Variants in STARD13 observed in about 807,000 individuals in gnomAD.
STARD13 encodes StAR related lipid transfer domain containing 13.
STARD13 carries 62 observed loss-of-function variants against 106.4 expected under a neutral mutation model. The observed-to-expected ratio is 0.58, with a 90% CI of 0.48 to 0.72. STARD13 has a LOEUF of 0.72. Ranked by LOEUF, STARD13 falls within the 30% of genes least tolerant of loss-of-function variation. The pLI is 0.00. For missense variants in STARD13, 1,387 were observed against 1,424.0 expected, an observed-to-expected ratio of 0.97 and a Z score of 0.42; for synonymous variants, 565 against 553.0, an observed-to-expected ratio of 1.02 and a Z score of -0.31.
the STARD13 span, among the ~76,000 whole-genome samples, chr13:33,613,150 G>C: frequency 6.6e-6 from 1 of 152,160 alleles, no homozygotes; most frequent in African/African-American, 2.4e-5. Context: ...CAGCCAATAG[G>C]AATAAAAATA....
At chr13:33,147,229 G>T (rs1270713168) in intron 3 of STARD13, among the ~76,000 whole-genome samples, 1 of 152,158 alleles carries the variant, frequency 6.6e-6, no homozygotes, top group Non-Finnish European at 1.5e-5. Flanking sequence ...GTCCATAGGG[G>T]ACTTAGAAAA....
At chr13:33,453,740 T>C in the STARD13 span, among the ~76,000 whole-genome samples, 1 of 152,196 alleles carries the variant, frequency 6.6e-6, no homozygotes, top group Non-Finnish European at 1.5e-5. Flanking sequence ...AAAAAGAAGA[T>C]AAAAACATTC....
chr13:33,372,657 A>T, the STARD13 span, among the ~76,000 whole-genome samples: 2 of 152,038 alleles, frequency 1.3e-5, no homozygotes, highest in African/African-American at 4.8e-5. Context: ...GGTTATAGCC[A>T]TAGACAACCA....
the STARD13 span, among the ~76,000 whole-genome samples, chr13:33,514,549 G>A: frequency 1.6e-3 from 246 of 152,224 alleles, 1 homozygote; most frequent in African/African-American, 4.4e-3. Context: ...TAAAGACTCT[G>A]TTGAGGGCAG....
intron 8 of STARD13, among the ~76,000 whole-genome samples, chr13:33,115,765 A>G (rs566055288): frequency 1.3e-5 from 2 of 152,296 alleles, no homozygotes; most frequent in East Asian, 3.9e-4. Context: ...CCCTGATAAA[A>G]AGAGACACAT....
the STARD13 span, among the ~76,000 whole-genome samples, chr13:33,595,226 C>A: frequency 6.6e-6 from 1 of 152,142 alleles, no homozygotes; most frequent in Non-Finnish European, 1.5e-5. Context: ...AAGCTTACTT[C>A]ATTATCTTTA....
At chr13:33,263,243 G>A (rs1330123821) in intron 1 of STARD13, among the ~76,000 whole-genome samples, 1 of 152,036 alleles carries the variant, frequency 6.6e-6, no homozygotes, top group Non-Finnish European at 1.5e-5. Context: ...GATGCCAGCA[G>A]CACCCACCCC....
At chr13:33,181,260 T>TCA (rs1371779435) in intron 1 of STARD13, among the ~76,000 whole-genome samples, 2 of 112,154 alleles carry the variant, frequency 1.8e-5, no homozygotes, top group East Asian at 5.3e-4. Context: ...TGTCTTTCAC[T>TCA]CACACATACA....
upstream of STARD13, among the ~76,000 whole-genome samples, chr13:33,286,397 T>A (rs141628506): frequency 3.9e-5 from 6 of 152,296 alleles, no homozygotes; most frequent in East Asian, 9.7e-4. Context: ...GTATTAAGCA[T>A]CCTTTCCTCT....
At chr13:33,116,931 T>G (rs1945362756) in intron 8 of STARD13, among the ~76,000 whole-genome samples, 1 of 152,228 alleles carries the variant, frequency 6.6e-6, no homozygotes, top group African/African-American at 2.4e-5. Flanking sequence ...ATAGCATGGA[T>G]ATTCTTCAAA....
the STARD13 span, among the ~76,000 whole-genome samples, chr13:33,370,221 T>A: frequency 1.6e-3 from 237 of 152,344 alleles, 1 homozygote; most frequent in African/African-American, 5.0e-3. Context: ...CTTTTTAAAC[T>A]GAATCTATTG....
At chr13:33,478,685 G>A in the STARD13 span, among the ~76,000 whole-genome samples, 1 of 152,160 alleles carries the variant, frequency 6.6e-6, no homozygotes, top group African/African-American at 2.4e-5. Context: ...GGAGGTCAAG[G>A]CAGGAGGATC....
At chr13:33,150,300 A>T (rs1184344633) in intron 3 of STARD13, among the ~76,000 whole-genome samples, 1 of 152,236 alleles carries the variant, frequency 6.6e-6, no homozygotes, top group Admixed American at 6.5e-5. Flanking sequence ...TGCATTCTTC[A>T]TGCCTAGTAC....
the STARD13 span, among the ~76,000 whole-genome samples, chr13:33,374,076 A>C: frequency 1.1e-4 from 16 of 152,332 alleles, no homozygotes; most frequent in East Asian, 2.9e-3. Context: ...AAAATGTGGT[A>C]TATACCTACA....
At chr13:33,334,519 G>A (rs1325656142) in intron 1 of STARD13, among the ~76,000 whole-genome samples, 1 of 152,174 alleles carries the variant, frequency 6.6e-6, no homozygotes, top group Non-Finnish European at 1.5e-5. Context: ...ATCAGGGCCT[G>A]ACACACAGCG....
the STARD13 span, among the ~76,000 whole-genome samples, chr13:33,369,860 T>G: frequency 6.6e-6 from 1 of 152,210 alleles, no homozygotes; most frequent in African/African-American, 2.4e-5. Context: ...TCAAGAAATA[T>G]CGATCAGTTC....
the STARD13 span, among the ~76,000 whole-genome samples, chr13:33,366,097 A>G: frequency 6.6e-6 from 1 of 152,090 alleles, no homozygotes; most frequent in African/African-American, 2.4e-5. The surrounding 1 kb of genome is among the most constrained non-coding windows in gnomAD (Gnocchi z 4.2). Flanking sequence ...ATTAAAAATT[A>G]TATAGAATTT....
chr13:33,634,695 C>A, the STARD13 span, among the ~76,000 whole-genome samples: 1 of 151,332 alleles, frequency 6.6e-6, no homozygotes, highest in East Asian at 1.9e-4. Context: ...TAAACACCGC[C>A]CTGCCCCGCC....
At chr13:33,448,177 T>A in the STARD13 span, among the ~76,000 whole-genome samples, 1 of 152,164 alleles carries the variant, frequency 6.6e-6, no homozygotes, top group Non-Finnish European at 1.5e-5. Context: ...TAAATATTTA[T>A]CATTTCTTTT....
Sources: allele counts gnomAD v4.1 joint callset (sites outside exome capture counted in the v4.1 genomes callset), GRCh38; gene constraint gnomAD v4.1.1; non-coding constraint Gnocchi (gnomAD v3.1); transcripts MANE v1.5; gene names NCBI Gene and HGNC (gene_info 2026-07-23, HGNC 2026-07-21).